The following VPS54 variants were observed in gnomAD, a reference collection of about 807,000 sequenced individuals.
VPS54 encodes the protein VPS54 subunit of GARP complex.
A neutral mutation model predicts 121.5 loss-of-function variants in VPS54; 45 were observed. The observed-to-expected ratio is 0.37, with a 90% CI of 0.29 to 0.47. The LOEUF is 0.47. Among genes scored for constraint, VPS54 ranks in the 20% least tolerant of loss-of-function variants. VPS54 has a pLI of 0.99. For missense variants in VPS54, 1,090 were observed against 1,131.4 expected (o/e 0.96, Z 0.52); for synonymous variants, 371 against 385.8 (o/e 0.96, Z 0.45).
At chr2:63,986,915 A>T (rs1417465658) in intron 1 of VPS54, among the ~76,000 whole-genome samples, 1 of 152,120 alleles carries the variant, frequency 6.6e-6, no homozygotes, top group East Asian at 1.9e-4. Flanking sequence ...TTTAATCAAC[A>T]TATTGGATTT....
chr2:63,951,091 T>C (rs978566054), intron 7 of VPS54, among the ~76,000 whole-genome samples: 10 of 152,294 alleles, frequency 6.6e-5, no homozygotes, highest in Non-Finnish European at 1.2e-4. Context: ...TTTCTCATAG[T>C]AAGCCTGCAC....
intron 19 of VPS54, 22 bp from the exon 20 acceptor site, chr2:63,912,447 G>C (rs375996471): frequency 1.2e-6 from 2 of 1,611,294 alleles, no homozygotes; most frequent in East Asian, 2.2e-5. Context: ...AATGATAATT[G>C]TATTTTTAAG....
chr2:63,906,455 A>G (rs1672907092), intron 20 of VPS54, among the ~76,000 whole-genome samples: 1 of 152,222 alleles, frequency 6.6e-6, no homozygotes, highest in African/African-American at 2.4e-5. Context: ...ATACTTATAA[A>G]ATGTGTGCAT....
chr2:64,004,904 G>C (rs2104685730), intron 1 of VPS54, among the ~76,000 whole-genome samples: 1 of 151,914 alleles, frequency 6.6e-6, no homozygotes, highest in Non-Finnish European at 1.5e-5. Context: ...TCAGCCTCCT[G>C]AGTAGCTGGG....
At position 63,892,710 on chromosome 2, in the gene VPS54, C is replaced by A. The variant is rs1161739343; in HGVS notation, c.*720G>T. On this transcript the variant is annotated 3_prime_UTR_variant, in exon 23 of 23. Coordinates refer to ENST00000272322, the MANE Select transcript of VPS54 (RefSeq NM_016516.3). The stretch of plus-strand genomic sequence containing the variant: ...ACCATTTCTGAAAAGTATTTAGTTG[C>A]ATAAATAGATGCCAGGATCTTTTTT... The A allele has an allele frequency of 6.9e-6, 1 of 145,758 alleles. No homozygotes were observed. Among genetic ancestry groups the A allele is most frequent in the Admixed American group, 7.0e-5 (1 of 14,330 alleles). The allele number at this position is 145,758 out of a possible 1,614,324, so 9.0% of individuals were successfully genotyped here.
At chr2:63,993,866 A>G (rs1160142645) in intron 1 of VPS54, among the ~76,000 whole-genome samples, 1 of 152,200 alleles carries the variant, frequency 6.6e-6, no homozygotes, top group East Asian at 1.9e-4. Context: ...TCCTACAAAC[A>G]AGCTTATTTC....
At chr2:63,958,623 G>A (rs76691863) in intron 7 of VPS54, among the ~76,000 whole-genome samples, 4,808 of 152,250 alleles carry the variant, frequency 0.032, 189 homozygotes, top group African/African-American at 0.096. Flanking sequence ...GCTAGGGCAG[G>A]AGGATCACTT....
At chr2:63,913,395 T>A (rs769328238) in intron 17 of VPS54, 85 bp from the exon 18 acceptor site, 14 of 889,536 alleles carry the variant, frequency 1.6e-5, no homozygotes, top group Admixed American at 3.0e-5. Flanking sequence ...AAAAATACAT[T>A]CCCCTTTCCT....
chr2:64,014,132 T>C (rs960605090), intron 1 of VPS54, among the ~76,000 whole-genome samples: 3 of 151,994 alleles, frequency 2.0e-5, no homozygotes, highest in African/African-American at 7.2e-5. Flanking sequence ...GTGAGCAGGC[T>C]TACAACCCCT....
At chr2:63,917,062 T>C (rs1306745889) in intron 15 of VPS54, 99 bp from the exon 16 acceptor site, 2 of 1,178,846 alleles carry the variant, frequency 1.7e-6, no homozygotes, top group Non-Finnish European at 2.5e-6. Context: ...CCAAAAACTC[T>C]CATTTCTGAA....
At chr2:63,995,451 C>A (rs978099598) in intron 1 of VPS54, among the ~76,000 whole-genome samples, 1 of 152,224 alleles carries the variant, frequency 6.6e-6, no homozygotes, top group African/African-American at 2.4e-5. Flanking sequence ...TGAAGTGTTA[C>A]AGCGAATTCT....
chr2:63,913,771 A>C (rs1673256565), intron 17 of VPS54: 3 of 877,852 alleles, frequency 3.4e-6, no homozygotes, highest in African/African-American at 3.6e-5. Flanking sequence ...AAATCATCAC[A>C]TTTTCATTTT....
chr2:63,899,440 A>T, intron 21 of VPS54, 34 bp downstream of exon 21: 10 of 1,571,538 alleles, frequency 6.4e-6, no homozygotes, highest in Non-Finnish European at 8.7e-6. Context: ...TGTATGTTAT[A>T]TATACATGAA....
intron 3 of VPS54, among the ~76,000 whole-genome samples, chr2:63,978,600 G>A (rs1676655980): frequency 1.3e-5 from 2 of 152,006 alleles, no homozygotes; most frequent in Admixed American, 1.3e-4. Context: ...TAAATATAAA[G>A]CTATTTCAGA....
chr2:63,973,725 T>C (rs1559032208), intron 3 of VPS54, among the ~76,000 whole-genome samples: 2 of 152,118 alleles, frequency 1.3e-5, no homozygotes, highest in African/African-American at 2.4e-5. Flanking sequence ...AATTTTTTCT[T>C]GTACAGATGG....
chr2:63,902,999 A>ATAACATAACATAACG (rs1553469992), intron 20 of VPS54, among the ~76,000 whole-genome samples: 1 of 152,092 alleles, frequency 6.6e-6, no homozygotes, highest in African/African-American at 2.4e-5. Context: ...ATAACATAAC[A>ATAACATAACATAACG]TAACACAACA....
intron 5 of VPS54, among the ~76,000 whole-genome samples, chr2:63,968,574 C>G (rs1676121205): frequency 6.6e-6 from 1 of 151,948 alleles, no homozygotes; most frequent in Non-Finnish European, 1.5e-5. Context: ...AAAAAAGTAG[C>G]TGGGCATGGT....
chr2:63,955,467 G>T lies in VPS54; in HGVS notation c.1011-6304C>A, dbSNP rs184663253. The stretch of plus-strand genomic sequence containing the variant: ...GGAGGTCCATATGACTGTACCTACT[G>T]ATATTTGGGCATCAAAATAATAAAA... On this transcript the variant is annotated intron_variant, in intron 7 of 22. Coordinates refer to ENST00000272322, the MANE Select transcript of VPS54 (RefSeq NM_016516.3). Among the ~76,000 whole-genome samples, 29 of 152,064 alleles carry T rather than the reference G, an allele frequency of 1.9e-4. No homozygotes were observed. The East Asian group carries it at 5.4e-3, about 28-fold the overall frequency.
intron 11 of VPS54, among the ~76,000 whole-genome samples, chr2:63,942,135 T>C (rs904233908): frequency 2.6e-5 from 4 of 151,826 alleles, no homozygotes; most frequent in Non-Finnish European, 5.9e-5. Context: ...AAATTGATAG[T>C]TTGGGGTGAT....
Sources: gnomAD v4.1 joint callset for allele counts (sites outside exome capture counted in the v4.1 genomes callset) on GRCh38, gnomAD v4.1.1 for gene constraint, MANE v1.5 for transcripts, NCBI Gene and HGNC (gene_info 2026-07-23, HGNC 2026-07-21) for gene names.